Variants in SLC41A2 observed in about 807,000 individuals in gnomAD.
SLC41A2 encodes SLC41A1-like 1.
SLC41A2 carries 32 observed loss-of-function variants against 58.3 expected under a neutral mutation model. The observed-to-expected ratio is 0.55, with a 90% confidence interval of 0.41 to 0.74. The LOEUF (loss-of-function observed/expected upper bound fraction) is 0.74, where lower values mean the gene tolerates loss of function less well. SLC41A2 is among the 30% of genes least tolerant of loss of function. The probability of loss-of-function intolerance (pLI) is 0.00; values close to 1 mark genes in which losing one functional copy is unlikely to be tolerated. For missense variants in SLC41A2, 514 were observed against 680.6 expected (o/e 0.76, Z 2.72); for synonymous variants, 190 against 235.0 (o/e 0.81, Z 1.75).
intron 10 of SLC41A2, among the ~76,000 whole-genome samples, chr12:104,807,222 C>T (rs2040953751): frequency 6.6e-6 from 1 of 151,950 alleles, no homozygotes; most frequent in African/African-American, 2.4e-5. Flanking sequence ...GTCTTTAATC[C>T]ATCTCGAATT....
intron 2 of SLC41A2, among the ~76,000 whole-genome samples, chr12:104,926,596 T>TAA (rs536256905): frequency 8.5e-5 from 11 of 129,072 alleles, no homozygotes; most frequent in South Asian, 2.4e-4. Flanking sequence ...TTAAAAAAAA[T>TAA]AAAAAAAAAA....
At chr12:104,927,001 T>C (rs1209529349) in intron 2 of SLC41A2, among the ~76,000 whole-genome samples, 2 of 152,118 alleles carry the variant, frequency 1.3e-5, no homozygotes, top group East Asian at 3.8e-4. Context: ...GGAGGGTTAC[T>C]TGAGCCCAGG....
chr12:104,925,114 T>A (rs1205653943), intron 2 of SLC41A2, among the ~76,000 whole-genome samples: 3 of 152,214 alleles, frequency 2.0e-5, no homozygotes, highest in Admixed American at 6.5e-5. Flanking sequence ...GAAGCAGTAC[T>A]GGCAAAATTA....
intron 1 of SLC41A2, among the ~76,000 whole-genome samples, chr12:104,940,345 C>T (rs1174393707): frequency 1.4e-5 from 1 of 72,394 alleles, no homozygotes; most frequent in Non-Finnish European, 2.6e-5. Context: ...TTTAAAAAGG[C>T]TCACCTGGGG....
At chr12:104,919,252 G>A (rs893668998) in intron 2 of SLC41A2, among the ~76,000 whole-genome samples, 4 of 152,162 alleles carry the variant, frequency 2.6e-5, no homozygotes, top group Admixed American at 2.0e-4. Flanking sequence ...AACTGTTGAA[G>A]GACACTTCGG....
At chr12:104,819,978 C>T (rs2041562321) in intron 10 of SLC41A2, among the ~76,000 whole-genome samples, 1 of 152,210 alleles carries the variant, frequency 6.6e-6, no homozygotes, top group African/African-American at 2.4e-5. Flanking sequence ...TGTTAAGTTT[C>T]CTAACGTCTC....
At chr12:104,917,155 G>A (rs2046363335) in intron 2 of SLC41A2, among the ~76,000 whole-genome samples, 1 of 152,080 alleles carries the variant, frequency 6.6e-6, no homozygotes, top group South Asian at 2.1e-4. Flanking sequence ...CCATCAACAA[G>A]TGGGCGAAGG....
chr12:104,840,260 T>C (rs2042364507), intron 10 of SLC41A2, among the ~76,000 whole-genome samples: 1 of 152,216 alleles, frequency 6.6e-6, no homozygotes, highest in African/African-American at 2.4e-5. Context: ...AGTAAGTAGA[T>C]GTGAAGGCTG....
chr12:104,812,586 G>A (rs1439790013), intron 10 of SLC41A2, among the ~76,000 whole-genome samples: 2 of 151,956 alleles, frequency 1.3e-5, no homozygotes, highest in African/African-American at 4.8e-5. Context: ...CTCTTTCTTT[G>A]GAACTATCTA....
At chr12:104,888,262 T>G (rs2044771151) in intron 5 of SLC41A2, among the ~76,000 whole-genome samples, 1 of 152,074 alleles carries the variant, frequency 6.6e-6, no homozygotes, top group Non-Finnish European at 1.5e-5. Context: ...CGAGTTATAA[T>G]TTTAATAAGA....
At chr12:104,828,893 A>C (rs1184324572) in intron 10 of SLC41A2, among the ~76,000 whole-genome samples, 1 of 152,156 alleles carries the variant, frequency 6.6e-6, no homozygotes, top group Non-Finnish European at 1.5e-5. Flanking sequence ...TAAACCCATA[A>C]AAATATAGTC....
chr12:104,819,822 C>T (rs1174696493), intron 10 of SLC41A2, among the ~76,000 whole-genome samples: 3 of 152,184 alleles, frequency 2.0e-5, no homozygotes, highest in South Asian at 2.1e-4. Flanking sequence ...ATCCCCTTTC[C>T]CCAACCCTTC....
In SLC41A2 at chr12:104,888,906, TA is replaced by T. The variant is rs2044805531; in HGVS notation, c.880+126del. The T allele has an allele frequency of 1.1e-5, 11 of 988,792 alleles. No homozygotes were observed. The East Asian group carries it at 3.1e-4, about 28-fold the overall frequency. The allele number at this position is 988,792 out of a possible 1,614,324, so 61.3% of individuals were successfully genotyped here. A position where few individuals can be genotyped will look rare whatever the true frequency, so the allele number is the denominator to read the frequency against. ...TATCTGGAATAACTAAGGCATTTTTTAAGTTTGTAGATATGTTTTTTCTGTT... is the reference window on the plus strand; with the variant it reads ...TATCTGGAATAACTAAGGCATTTTTTAGTTTGTAGATATGTTTTTTCTGTT... On this transcript the variant is annotated intron_variant, in intron 5 of 10. Transcript: ENST00000258538.
At chr12:104,946,084 C>T (rs1015385793) in intron 1 of SLC41A2, among the ~76,000 whole-genome samples, 4 of 152,038 alleles carry the variant, frequency 2.6e-5, no homozygotes, top group East Asian at 1.9e-4. Context: ...TCTTTTTTGG[C>T]GACCCTTTCT....
Position 104,899,314 on chromosome 12 carries a change from T to G in SLC41A2, c.664-3969A>C, listed in dbSNP as rs116324227. 4.8e-3 allele frequency among the ~76,000 whole-genome samples: 732 copies of G among 152,326 alleles called. 5 individuals carry two copies. Among genetic ancestry groups the G allele is most frequent in the African/African-American group, 0.017 (706 of 41,570 alleles). On this transcript the variant is annotated intron_variant, in intron 3 of 10. Transcript: ENST00000258538. ...TTATTAACTGAATATTAATCATACATTTCTTGAATATCAATCACACTTTTC... is the reference window on the plus strand; with the variant it reads ...TTATTAACTGAATATTAATCATACAGTTCTTGAATATCAATCACACTTTTC...
At position 104,904,714 on chromosome 12, in the gene SLC41A2, A is replaced by C. The variant is rs533934584; in HGVS notation, c.663+4941T>G. On this transcript the variant is annotated intron_variant, in intron 3 of 10. Coordinates refer to ENST00000258538, the MANE Select transcript of SLC41A2 (RefSeq NM_001352171.3). ...CGCTGGCTCAGGAGTGAAGCTGCAGACCTTCGCGATGAGTGTTAACAGCTC... is the reference window on the plus strand; with the variant it reads ...CGCTGGCTCAGGAGTGAAGCTGCAGCCCTTCGCGATGAGTGTTAACAGCTC... Among the ~76,000 whole-genome samples, 39 of 150,684 alleles carry C rather than the reference A, an allele frequency of 2.6e-4. No homozygotes were observed. The South Asian group carries it at 7.3e-3, about 28-fold the overall frequency.
intron 10 of SLC41A2, among the ~76,000 whole-genome samples, chr12:104,827,964 C>A (rs1185617573): frequency 1.3e-5 from 2 of 152,174 alleles, no homozygotes; most frequent in Non-Finnish European, 2.9e-5. Flanking sequence ...GGGCTCCACC[C>A]CCAGGCCTGT....
chr12:104,807,337 T>G lies in SLC41A2; in HGVS notation c.1537-2000A>C, dbSNP rs1279920862. ...TTAAATAGGGAATCCTTTCCCCATTTCTTGTTTTTGTCAGGTTTGTCAAAG... is the reference window on the plus strand; with the variant it reads ...TTAAATAGGGAATCCTTTCCCCATTGCTTGTTTTTGTCAGGTTTGTCAAAG... On this transcript the variant is annotated intron_variant, in intron 10 of 10. Transcript: ENST00000258538. Among the ~76,000 whole-genome samples the G allele has an allele frequency of 1.1e-3, 163 of 152,288 alleles. 1 individual carries two copies. The highest frequency in any genetic ancestry group is 3.7e-3 in the African/African-American group (152 of 41,574).
chr12:104,913,028 C>A (rs977088627), intron 2 of SLC41A2, among the ~76,000 whole-genome samples: 6 of 152,122 alleles, frequency 3.9e-5, no homozygotes, highest in Non-Finnish European at 5.9e-5. Flanking sequence ...AGGTTACTCC[C>A]TTTGGTTATT....
Sources: gnomAD v4.1 joint callset for allele counts (sites outside exome capture counted in the v4.1 genomes callset) on GRCh38, gnomAD v4.1.1 for gene constraint, MANE v1.5 for transcripts, NCBI Gene and HGNC (gene_info 2026-07-23, HGNC 2026-07-21) for gene names.